Variants in ABCC9 observed in about 807,000 individuals in gnomAD.
The protein encoded by ABCC9 is ATP-binding cassette sub-family C member 9.
ABCC9 carries 95 observed loss-of-function variants against 188.3 expected under a neutral mutation model. The observed-to-expected ratio is 0.50, with a 90% CI of 0.43 to 0.60. The LOEUF is 0.60. Among genes scored for constraint, ABCC9 ranks in the 20% least tolerant of loss-of-function variants. The pLI is 0.00. For missense variants in ABCC9, 1,102 were observed against 1,876.3 expected (o/e 0.59, Z 7.62); for synonymous variants, 659 against 652.7 (o/e 1.01, Z -0.15).
At chr12:21,898,073 A>C (rs1304402018) in intron 12 of ABCC9, among the ~76,000 whole-genome samples, 1 of 152,186 alleles carries the variant, frequency 6.6e-6, no homozygotes, top group Non-Finnish European at 1.5e-5. Flanking sequence ...AGGCGGAAGC[A>C]CTTGAGCCCA....
At chr12:21,833,150 AAG>A (rs2137304525) in intron 30 of ABCC9, among the ~76,000 whole-genome samples, 1 of 152,274 alleles carries the variant, frequency 6.6e-6, no homozygotes, top group South Asian at 2.1e-4. Flanking sequence ...TGAGGAATAA[AAG>A]ACTACACATT....
chr12:21,910,366 A>T, intron 9 of ABCC9, 54 bp from the exon 10 acceptor site: 1 of 1,473,410 alleles, frequency 6.8e-7, no homozygotes, highest in Non-Finnish European at 9.2e-7. Flanking sequence ...AATTGACACT[A>T]TGATTATTTT....
intron 31 of ABCC9, among the ~76,000 whole-genome samples, chr12:21,822,872 A>G (rs574545601): frequency 6.6e-6 from 1 of 152,098 alleles, no homozygotes; most frequent in Non-Finnish European, 1.5e-5. Context: ...TTAATGATTC[A>G]CAAAGTGACC....
chr12:21,868,435 C>T (rs1965033), intron 18 of ABCC9, among the ~76,000 whole-genome samples: 2 of 151,914 alleles, frequency 1.3e-5, no homozygotes, highest in Non-Finnish European at 2.9e-5. Context: ...GTCAGGAGAT[C>T]GAGACCATCC....
At chr12:21,930,442 A>ACTCC (rs1199618973) in intron 4 of ABCC9, among the ~76,000 whole-genome samples, 1 of 152,166 alleles carries the variant, frequency 6.6e-6, no homozygotes, top group Non-Finnish European at 1.5e-5. Flanking sequence ...CAGACCTCTG[A>ACTCC]AAGGAGGAAG....
chr12:21,809,796 C>T, intron 37 of ABCC9, 56 bp downstream of exon 37: 1 of 996,878 alleles, frequency 1.0e-6, no homozygotes. Flanking sequence ...CGTAGATAGA[C>T]ATATGTAGGA....
chr12:21,832,240 A>G (rs1030944878), intron 30 of ABCC9, among the ~76,000 whole-genome samples: 16 of 152,190 alleles, frequency 1.1e-4, no homozygotes, highest in African/African-American at 3.9e-4. Context: ...GTGGTAAACT[A>G]CTTGAGGGAG....
In ABCC9 at chr12:21,887,909, A is replaced by G; in HGVS notation, c.1828T>C (p.Leu610=). The change falls in exon 15 of 40, where the codon TTG becomes CTG. Residue 610 remains leucine (L), a synonymous_variant. Coordinates refer to ENST00000261200, the MANE Select transcript of ABCC9 (RefSeq NM_020297.4). The part of the protein sequence containing the change: ...ISVQKLNEFL[L]SDEIGDDSWR... The stretch of plus-strand genomic sequence containing the variant: ...CTGTCGTCACCAATCTCATCACTCA[A>G]GAGAAACTCATTCAGCTTTTGAACA... 1 of 1,613,370 alleles carries G rather than the reference A, an allele frequency of 6.2e-7. No individual in the cohort carries two copies. Among genetic ancestry groups the G allele is most frequent in the South Asian group, 1.1e-5 (1 of 91,072 alleles).
chr12:21,872,578 A>G (rs1480458278), intron 18 of ABCC9, 47 bp downstream of exon 18: 4 of 1,365,462 alleles, frequency 2.9e-6, no homozygotes, highest in Non-Finnish European at 4.2e-6. Flanking sequence ...TTGGAAGATT[A>G]TCAGATGTAT....
At chr12:21,857,803 G>C (rs555326421) in intron 22 of ABCC9, among the ~76,000 whole-genome samples, 1 of 152,054 alleles carries the variant, frequency 6.6e-6, no homozygotes, top group South Asian at 2.1e-4. Context: ...GACTATTCCC[G>C]TCCCCAGAAG....
intron 24 of ABCC9, among the ~76,000 whole-genome samples, chr12:21,850,532 A>T (rs1015984111): frequency 6.6e-5 from 10 of 152,102 alleles, no homozygotes; most frequent in Non-Finnish European, 1.3e-4. Context: ...TTCAGTTCAT[A>T]CATAACCCTG....
chr12:21,892,663 G>A (rs1001511447), intron 14 of ABCC9, among the ~76,000 whole-genome samples: 1 of 152,196 alleles, frequency 6.6e-6, no homozygotes, highest in African/African-American at 2.4e-5. Flanking sequence ...GAATGTCTCA[G>A]AGGTTAACTT....
chr12:21,812,938 T>G (rs903064123), intron 35 of ABCC9, among the ~76,000 whole-genome samples: 1 of 152,204 alleles, frequency 6.6e-6, no homozygotes, highest in Non-Finnish European at 1.5e-5. Context: ...TCAGAGTTTT[T>G]ATTCTGTTTA....
intron 37 of ABCC9, among the ~76,000 whole-genome samples, chr12:21,808,636 G>A (rs935456844): frequency 6.6e-6 from 1 of 151,882 alleles, no homozygotes; most frequent in African/African-American, 2.4e-5. Flanking sequence ...TAGGCATAGT[G>A]GGGCACCTAT....
chr12:21,836,651 C>G (rs1466924563), intron 30 of ABCC9, among the ~76,000 whole-genome samples: 1 of 152,064 alleles, frequency 6.6e-6, no homozygotes, highest in Non-Finnish European at 1.5e-5. Flanking sequence ...AGCCCTCTCT[C>G]CTACTAGGCT....
chr12:21,831,485 T>G (rs1221960948), intron 30 of ABCC9, among the ~76,000 whole-genome samples: 1 of 152,058 alleles, frequency 6.6e-6, no homozygotes, highest in Non-Finnish European at 1.5e-5. Flanking sequence ...AAACACAGCA[T>G]TAACAAGTAA....
At chr12:21,861,077 A>T (rs373782613) in intron 20 of ABCC9, 22 bp from the exon 21 acceptor site, 1 of 1,586,310 alleles carries the variant, frequency 6.3e-7, no homozygotes, top group African/African-American at 1.3e-5. Context: ...ATGATTTTGA[A>T]TTTTTAGATC....
intron 12 of ABCC9, among the ~76,000 whole-genome samples, chr12:21,901,868 C>G (rs1947770370): frequency 6.6e-6 from 1 of 152,116 alleles, no homozygotes; most frequent in Admixed American, 6.5e-5. Flanking sequence ...GACTTTAACA[C>G]CCCACTGTCA....
At chr12:21,910,692 T>C in intron 9 of ABCC9, 134 bp downstream of exon 9, 1 of 781,222 alleles carries the variant, frequency 1.3e-6, no homozygotes, top group Non-Finnish European at 2.1e-6. Flanking sequence ...ATTAAGTAGA[T>C]TATAGAAACG....
Sources: gnomAD v4.1 joint callset for allele counts (sites outside exome capture counted in the v4.1 genomes callset) on GRCh38, gnomAD v4.1.1 for gene constraint, MANE v1.5 for transcripts, NCBI Gene and HGNC (gene_info 2026-07-23, HGNC 2026-07-21) for gene names.